The following GALNT13 variants were observed in gnomAD, a reference collection of about 807,000 sequenced individuals.
The protein encoded by GALNT13 is polypeptide N-acetylgalactosaminyltransferase 13, also known as UDP-GalNAc:polypeptide N-acetylgalactosaminyltransferase 13.
GALNT13 carries 28 observed loss-of-function variants against 64.2 expected under a neutral mutation model. The ratio of observed to expected loss-of-function variants is 0.44; its 90% CI spans 0.32 to 0.60. The LOEUF (loss-of-function observed/expected upper bound fraction) is 0.60. Among genes scored for constraint, GALNT13 ranks in the 20% least tolerant of loss-of-function variants. GALNT13 has a pLI of 0.05. For missense variants in GALNT13, 577 were observed against 669.8 expected (o/e 0.86, Z 1.53); for synonymous variants, 214 against 224.6 (o/e 0.95, Z 0.42).
the GALNT13 span, among the ~76,000 whole-genome samples, chr2:153,672,201 C>A: frequency 2.0e-5 from 3 of 152,074 alleles, no homozygotes; most frequent in Non-Finnish European, 4.4e-5. Flanking sequence ...ACCAAGCAGA[C>A]CTAATAGACA....
the GALNT13 span, among the ~76,000 whole-genome samples, chr2:153,194,429 C>A: frequency 6.6e-6 from 1 of 151,970 alleles, no homozygotes; most frequent in African/African-American, 2.4e-5. Context: ...TCTTCAGTTC[C>A]AGGATTTCTG....
intron 10 of GALNT13, among the ~76,000 whole-genome samples, 167 bp downstream of exon 10, chr2:154,396,297 G>A (rs1056306530): frequency 6.6e-6 from 1 of 151,652 alleles, no homozygotes; most frequent in Non-Finnish European, 1.5e-5. Flanking sequence ...TCATCATAAG[G>A]AATCATAAAA....
chr2:153,433,043 TCTC>T, the GALNT13 span, among the ~76,000 whole-genome samples: 4 of 152,182 alleles, frequency 2.6e-5, no homozygotes, highest in Non-Finnish European at 5.9e-5. Flanking sequence ...ATTTGGAGAC[TCTC>T]CTCTATATTA....
At chr2:153,457,171 A>G in the GALNT13 span, among the ~76,000 whole-genome samples, 1 of 152,160 alleles carries the variant, frequency 6.6e-6, no homozygotes, top group African/African-American at 2.4e-5. Context: ...TCTGAGCTCC[A>G]TATATTTTGG....
chr2:154,071,829 A>G (rs924246069), intron 3 of GALNT13, among the ~76,000 whole-genome samples: 12 of 151,960 alleles, frequency 7.9e-5, no homozygotes, highest in Non-Finnish European at 1.8e-4. Flanking sequence ...TTACTTGGTG[A>G]TTTTACTTTT....
chr2:153,768,267 G>A, the GALNT13 span, among the ~76,000 whole-genome samples: 2 of 152,094 alleles, frequency 1.3e-5, no homozygotes, highest in South Asian at 4.2e-4. Flanking sequence ...TATATTCTGT[G>A]GTCATTGGAT....
chr2:153,677,845 C>A, the GALNT13 span, among the ~76,000 whole-genome samples: 1 of 152,018 alleles, frequency 6.6e-6, no homozygotes, highest in Non-Finnish European at 1.5e-5. Context: ...AAGATTGAAA[C>A]TGGACCCGTT....
chr2:153,420,320 C>T, the GALNT13 span, among the ~76,000 whole-genome samples: 1 of 151,918 alleles, frequency 6.6e-6, no homozygotes, highest in Non-Finnish European at 1.5e-5. Flanking sequence ...AATCTGTACT[C>T]AAGAATTAAA....
chr2:153,345,705 CT>C, the GALNT13 span, among the ~76,000 whole-genome samples: 74 of 89,070 alleles, frequency 8.3e-4, 2 homozygotes, highest in African/African-American at 2.6e-3. Context: ...CTTTCTTTCT[CT>C]TTCTCTCTTT....
chr2:153,357,063 C>T, the GALNT13 span, among the ~76,000 whole-genome samples: 4 of 152,110 alleles, frequency 2.6e-5, no homozygotes, highest in East Asian at 5.8e-4. Flanking sequence ...CTGCCTTGGC[C>T]TCCCAAAGTG....
chr2:154,314,777 C>T (rs552384145), intron 9 of GALNT13, among the ~76,000 whole-genome samples: 1 of 152,048 alleles, frequency 6.6e-6, no homozygotes, highest in Non-Finnish European at 1.5e-5. Flanking sequence ...GAGGGACATA[C>T]CTTCCTTCAC....
chr2:153,737,262 T>A, the GALNT13 span, among the ~76,000 whole-genome samples: 1 of 152,108 alleles, frequency 6.6e-6, no homozygotes, highest in Non-Finnish European at 1.5e-5. Flanking sequence ...CTTATGAAAG[T>A]GTTATTATAT....
chr2:153,089,603 A>G, the GALNT13 span, among the ~76,000 whole-genome samples: 7 of 151,996 alleles, frequency 4.6e-5, no homozygotes, highest in East Asian at 1.3e-3. Context: ...TTCCTCAGGA[A>G]CACCAATTAT....
chr2:153,553,407 T>TG, the GALNT13 span, among the ~76,000 whole-genome samples: 1 of 151,564 alleles, frequency 6.6e-6, no homozygotes. Context: ...GAGGCTGAGG[T>TG]GGGAGGATTG....
chr2:153,118,831 A>G, the GALNT13 span, among the ~76,000 whole-genome samples: 2 of 152,180 alleles, frequency 1.3e-5, no homozygotes, highest in Non-Finnish European at 2.9e-5. Flanking sequence ...ACATTGAAGT[A>G]CAGAGAGGTT....
At chr2:153,284,687 G>C in the GALNT13 span, among the ~76,000 whole-genome samples, 3 of 152,064 alleles carry the variant, frequency 2.0e-5, no homozygotes, top group Non-Finnish European at 2.9e-5. Flanking sequence ...CATATCCGGG[G>C]GAATCACTCA....
the GALNT13 span, among the ~76,000 whole-genome samples, chr2:153,554,047 T>A: frequency 6.6e-6 from 1 of 151,996 alleles, no homozygotes; most frequent in Admixed American, 6.6e-5. Context: ...TGCTGTATAT[T>A]GTAAGAACAA....
chr2:153,999,553 C>T (rs1449717898), intron 3 of GALNT13, among the ~76,000 whole-genome samples: 1 of 151,950 alleles, frequency 6.6e-6, no homozygotes, highest in East Asian at 1.9e-4. Context: ...TTTGATTTTT[C>T]TGAATGTATT....
At chr2:154,225,538 C>T (rs999878715) in intron 4 of GALNT13, among the ~76,000 whole-genome samples, 52 of 151,954 alleles carry the variant, frequency 3.4e-4, no homozygotes, top group Admixed American at 2.8e-3. Context: ...TGAAAAAATA[C>T]ATGCACAAGA....
Sources: gnomAD v4.1 joint callset for allele counts (sites outside exome capture counted in the v4.1 genomes callset) on GRCh38, gnomAD v4.1.1 for gene constraint, MANE v1.5 for transcripts, NCBI Gene and HGNC (gene_info 2026-07-23, HGNC 2026-07-21) for gene names.